MRPS6: variants seen among roughly 807,000 people sequenced by gnomAD.
The protein encoded by MRPS6 is mitochondrial ribosomal protein S6.
MRPS6 carries 6 observed loss-of-function variants against 13.1 expected under a neutral mutation model. The observed-to-expected ratio is 0.46, with a 90% CI of 0.25 to 0.91. The LOEUF is 0.91. Among genes scored for constraint, MRPS6 ranks in the 40% least tolerant of loss-of-function variants. The pLI is 0.18. For synonymous variants in MRPS6, 61 were observed against 56.5 expected, an observed-to-expected ratio of 1.08 and a Z score of -0.36; for missense variants, 164 against 155.6, an observed-to-expected ratio of 1.05 and a Z score of -0.29.
intron 1 of MRPS6, chr21:34,097,818 T>C: frequency 2.0e-6 from 2 of 998,614 alleles, no homozygotes; most frequent in Non-Finnish European, 2.4e-6. Context: ...ATCAGTTATG[T>C]ACTGAAAATC....
intron 2 of MRPS6, among the ~76,000 whole-genome samples, chr21:34,133,963 C>T (rs1008717095): frequency 6.6e-6 from 1 of 152,190 alleles, no homozygotes; most frequent in African/African-American, 2.4e-5. Context: ...AGGAAAAAAG[C>T]ATTGGGCCCC....
intron 1 of MRPS6, chr21:34,105,798 A>G: frequency 1.0e-6 from 1 of 994,946 alleles, no homozygotes; most frequent in Non-Finnish European, 1.2e-6. Flanking sequence ...ACAGTGTTTT[A>G]GTTGCAAGCA....
intron 2 of MRPS6, among the ~76,000 whole-genome samples, chr21:34,141,127 T>C (rs1980892675): frequency 6.6e-6 from 1 of 152,240 alleles, no homozygotes; most frequent in South Asian, 2.1e-4. Flanking sequence ...GCTCCACATT[T>C]CATGCTAACA....
intron 1 of MRPS6, chr21:34,102,007 A>AT (rs1979259349): frequency 1.4e-5 from 14 of 1,000,204 alleles, no homozygotes; most frequent in Non-Finnish European, 1.7e-5. Context: ...TAGTTGGCAT[A>AT]TAGAGGAACC....
At chr21:34,075,715 T>C (rs1288768118) in intron 1 of MRPS6, among the ~76,000 whole-genome samples, 2 of 152,162 alleles carry the variant, frequency 1.3e-5, no homozygotes, top group Non-Finnish European at 2.9e-5. Context: ...AACAATAGCT[T>C]CTCAGTTATT....
intron 1 of MRPS6, among the ~76,000 whole-genome samples, chr21:34,116,460 T>TC (rs1979913464): frequency 6.6e-6 from 1 of 152,004 alleles, no homozygotes; most frequent in Non-Finnish European, 1.5e-5. Flanking sequence ...TCAGTGGAAA[T>TC]CGTTTATTGA....
chr21:34,126,550 T>A (rs1437567532), intron 2 of MRPS6, among the ~76,000 whole-genome samples: 2 of 152,260 alleles, frequency 1.3e-5, no homozygotes, highest in Non-Finnish European at 2.9e-5. Flanking sequence ...TGGCTAGGCT[T>A]CTTCCACAGT....
At chr21:34,078,076 G>C (rs1989375956) in intron 1 of MRPS6, among the ~76,000 whole-genome samples, 1 of 152,182 alleles carries the variant, frequency 6.6e-6, no homozygotes, top group Non-Finnish European at 1.5e-5. Flanking sequence ...CTAGGAAATA[G>C]TGAAGTTTCT....
At chr21:34,088,178 T>C (rs540887157) in intron 1 of MRPS6, among the ~76,000 whole-genome samples, 21 of 132,498 alleles carry the variant, frequency 1.6e-4, no homozygotes, top group African/African-American at 5.5e-4. Context: ...GTTGTGGGAG[T>C]TGATAAAGAT....
chr21:34,097,384 A>C (rs1340051923), intron 1 of MRPS6: 1 of 1,545,340 alleles, frequency 6.5e-7, no homozygotes, highest in South Asian at 1.3e-5. Context: ...ACACTAACTT[A>C]AGACAATACT....
At chr21:34,100,082 T>G (rs534772206) in intron 1 of MRPS6, 119 of 998,426 alleles carry the variant, frequency 1.2e-4, no homozygotes, top group Non-Finnish European at 1.3e-4. Flanking sequence ...CATGTGTATA[T>G]TTTTATATTA....
chr21:34,114,925 G>A (rs1979844030), intron 1 of MRPS6, among the ~76,000 whole-genome samples: 1 of 152,086 alleles, frequency 6.6e-6, no homozygotes, highest in African/African-American at 2.4e-5. Context: ...TTCGCTCATA[G>A]CCTTTTGATT....
chr21:34,121,762 A>G (rs1199839701), intron 1 of MRPS6, among the ~76,000 whole-genome samples: 2 of 152,184 alleles, frequency 1.3e-5, no homozygotes, highest in South Asian at 2.1e-4. Flanking sequence ...ATTGTGCTGG[A>G]TTGAGCAGAA....
chr21:34,097,570 A>G, intron 1 of MRPS6: 1 of 1,329,258 alleles, frequency 7.5e-7, no homozygotes, highest in Non-Finnish European at 9.7e-7. Context: ...AACAGACTGA[A>G]TTGTGCAAAT....
intron 1 of MRPS6, among the ~76,000 whole-genome samples, chr21:34,086,841 C>G (rs1158435051): frequency 8.2e-6 from 1 of 121,692 alleles, no homozygotes; most frequent in Non-Finnish European, 1.8e-5. Flanking sequence ...GAAGAGGATT[C>G]TTCATGAGTT....
intron 1 of MRPS6, chr21:34,100,121 T>C (rs1979166824): frequency 1.0e-6 from 1 of 999,308 alleles, no homozygotes; most frequent in African/African-American, 1.7e-5. Flanking sequence ...AATTGAAGCT[T>C]GATATTGACT....
chr21:34,105,561 T>G (rs1489456998), intron 1 of MRPS6: 2 of 999,972 alleles, frequency 2.0e-6, no homozygotes, highest in Non-Finnish European at 2.4e-6. Flanking sequence ...TATGATGCTT[T>G]GTTCAGATTT....
At chr21:34,104,725 T>C (rs1222795465) in intron 1 of MRPS6, 1 of 1,000,134 alleles carries the variant, frequency 1.0e-6, no homozygotes, top group Non-Finnish European at 1.2e-6. Context: ...TTACCAGAAG[T>C]GCAGGAAAGA....
At chr21:34,091,193 A>G (rs2148657578) in intron 1 of MRPS6, among the ~76,000 whole-genome samples, 1 of 152,272 alleles carries the variant, frequency 6.6e-6, no homozygotes, top group East Asian at 1.9e-4. Context: ...TGGTTTGTAA[A>G]TTGACTCCAA....
Sources: allele counts gnomAD v4.1 joint callset (sites outside exome capture counted in the v4.1 genomes callset), GRCh38; gene constraint gnomAD v4.1.1; transcripts MANE v1.5; gene names NCBI Gene and HGNC (gene_info 2026-07-23, HGNC 2026-07-21).